Variants in TRAPPC9 observed in about 807,000 individuals in gnomAD.
The protein encoded by TRAPPC9 is IKK2 binding protein.
Under a neutral mutation model 124.0 loss-of-function variants are expected in TRAPPC9, and 83 were observed. The ratio of observed to expected loss-of-function variants is 0.67; its 90% confidence interval spans 0.56 to 0.80. The LOEUF (loss-of-function observed/expected upper bound fraction) is 0.80, where lower values mean the gene tolerates loss of function less well. TRAPPC9 is among the 30% of genes least tolerant of loss of function. The pLI, the probability that TRAPPC9 is intolerant of heterozygous loss-of-function variation, is 0.00. For missense variants in TRAPPC9, 1,302 were observed against 1,508.3 expected (o/e 0.86, Z 2.27); for synonymous variants, 638 against 617.5 (o/e 1.03, Z -0.49).
In TRAPPC9 at chr8:139,776,866, G is replaced by A. The variant is rs900336992; in HGVS notation, c.3056-44664C>T. ...TTGCGCCTGTGACTTACTATAAAATGACAACATGGTTACTTTCGCCTAAAC... is the reference window on the plus strand; with the variant it reads ...TTGCGCCTGTGACTTACTATAAAATAACAACATGGTTACTTTCGCCTAAAC... On this transcript the variant is annotated intron_variant, in intron 21 of 22. Coordinates refer to ENST00000438773, the MANE Select transcript of TRAPPC9 (RefSeq NM_001160372.4). The surrounding 1 kb of genome is among the most constrained non-coding windows in gnomAD (Gnocchi z 4.1). Among the ~76,000 whole-genome samples, 1 of 152,222 alleles carries A rather than the reference G, an allele frequency of 6.6e-6. No individual in the cohort carries two copies. Among genetic ancestry groups the A allele is most frequent in the Non-Finnish European group, 1.5e-5 (1 of 68,050 alleles).
At chr8:140,263,662 G>A (rs1225728921) in intron 15 of TRAPPC9, among the ~76,000 whole-genome samples, 1 of 152,218 alleles carries the variant, frequency 6.6e-6, no homozygotes, top group Non-Finnish European at 1.5e-5. Context: ...GCCATGGAGT[G>A]CCAGCTCCAC....
chr8:140,401,629 A>AT (rs1240512376), intron 6 of TRAPPC9, among the ~76,000 whole-genome samples: 5 of 143,652 alleles, frequency 3.5e-5, no homozygotes, highest in Non-Finnish European at 6.2e-5. Flanking sequence ...ATCATGAAAA[A>AT]TTATTTTTTT....
At chr8:140,033,743 G>A (rs545971181) in intron 17 of TRAPPC9, among the ~76,000 whole-genome samples, 28 of 132,172 alleles carry the variant, frequency 2.1e-4, no homozygotes, top group Middle Eastern at 9.4e-3. Flanking sequence ...GTGCAGGGGC[G>A]TGATCTCAGC....
intron 3 of TRAPPC9, among the ~76,000 whole-genome samples, chr8:140,437,134 C>G (rs528243773): frequency 3.5e-4 from 50 of 143,922 alleles, no homozygotes; most frequent in Admixed American, 2.4e-3. Context: ...CAGCTAATGT[C>G]TTTTTATTTT....
At chr8:139,993,497 G>C (rs1055296958) in intron 18 of TRAPPC9, among the ~76,000 whole-genome samples, 1 of 152,208 alleles carries the variant, frequency 6.6e-6, no homozygotes, top group Admixed American at 6.5e-5. Flanking sequence ...AACTCCTTCA[G>C]ACAGAAAAAG....
intron 17 of TRAPPC9, among the ~76,000 whole-genome samples, chr8:140,143,837 T>C (rs2061416966): frequency 6.6e-6 from 1 of 152,250 alleles, no homozygotes. Context: ...TTCCATCAAT[T>C]CTAAAATTCT....
intron 17 of TRAPPC9, among the ~76,000 whole-genome samples, chr8:140,149,881 A>G (rs2061518552): frequency 6.6e-6 from 1 of 152,178 alleles, no homozygotes; most frequent in South Asian, 2.1e-4. Flanking sequence ...TATCATGCAT[A>G]CATACATGCA....
chr8:139,772,474 C>T (rs1034277092), intron 21 of TRAPPC9, among the ~76,000 whole-genome samples: 5 of 152,220 alleles, frequency 3.3e-5, no homozygotes, highest in South Asian at 2.1e-4. Context: ...TCCCAGCCCA[C>T]GCTCCTGGGA....
chr8:139,803,050 C>G (rs536801171), intron 21 of TRAPPC9, among the ~76,000 whole-genome samples: 3 of 151,712 alleles, frequency 2.0e-5, no homozygotes, highest in African/African-American at 7.3e-5. Context: ...GTGAAGGTGT[C>G]TGTGTGCCGT....
At chr8:140,016,471 T>C (rs952580749) in intron 18 of TRAPPC9, among the ~76,000 whole-genome samples, 11 of 152,106 alleles carry the variant, frequency 7.2e-5, no homozygotes, top group African/African-American at 2.7e-4. Flanking sequence ...TAACCCAGAG[T>C]CAACCACTGG....
intron 21 of TRAPPC9, among the ~76,000 whole-genome samples, chr8:139,871,641 T>A (rs1167843990): frequency 1.3e-5 from 2 of 152,204 alleles, no homozygotes; most frequent in South Asian, 2.1e-4. Flanking sequence ...CAAAAAAAGA[T>A]GTCTCTTAAA....
chr8:139,837,912 A>G (rs1187404719), intron 21 of TRAPPC9, among the ~76,000 whole-genome samples: 1 of 151,648 alleles, frequency 6.6e-6, no homozygotes, highest in Non-Finnish European at 1.5e-5. Flanking sequence ...CGGTGGCTAC[A>G]CTGTCTTCTC....
chr8:140,345,721 T>G (rs771189250), intron 9 of TRAPPC9, among the ~76,000 whole-genome samples: 9 of 152,112 alleles, frequency 5.9e-5, no homozygotes, highest in Admixed American at 1.3e-4. Context: ...TCACTCCATA[T>G]GAGAAGGTTA....
chr8:139,920,143 C>T (rs1051159673), intron 19 of TRAPPC9, among the ~76,000 whole-genome samples: 6 of 152,150 alleles, frequency 3.9e-5, no homozygotes, highest in South Asian at 2.1e-4. Context: ...GTCAGGAGTT[C>T]GAGACCAGCC....
intron 8 of TRAPPC9, among the ~76,000 whole-genome samples, chr8:140,361,460 C>A (rs1249876671): frequency 2.6e-5 from 4 of 152,200 alleles, no homozygotes; most frequent in Non-Finnish European, 5.9e-5. Flanking sequence ...AACTGTAAAA[C>A]GGAGACAGTA....
intron 18 of TRAPPC9, among the ~76,000 whole-genome samples, chr8:140,010,872 C>T (rs1477931317): frequency 6.6e-6 from 1 of 152,090 alleles, no homozygotes; most frequent in African/African-American, 2.4e-5. Context: ...ACATAGAAAA[C>T]AAACCTCACT....
At chr8:140,306,429 G>A (rs947595860) in intron 10 of TRAPPC9, among the ~76,000 whole-genome samples, 14 of 147,210 alleles carry the variant, frequency 9.5e-5, no homozygotes, top group South Asian at 2.1e-4. Context: ...GGAGGCGGAG[G>A]TTGCAGTGAG....
At chr8:140,265,321 A>G (rs919790927) in intron 15 of TRAPPC9, among the ~76,000 whole-genome samples, 3 of 152,250 alleles carry the variant, frequency 2.0e-5, no homozygotes, top group African/African-American at 7.2e-5. Flanking sequence ...TAAGTTCTGT[A>G]GCTTAAGAGT....
At chr8:139,904,988 G>C (rs1831255906) in intron 20 of TRAPPC9, 4 of 152,238 alleles carry the variant, frequency 2.6e-5, no homozygotes, top group Admixed American at 2.0e-4. Context: ...AGTTCACAGA[G>C]AGTTGGCTAT....
Sources: gnomAD v4.1 joint callset for allele counts (sites outside exome capture counted in the v4.1 genomes callset) on GRCh38, gnomAD v4.1.1 for gene constraint, Gnocchi (gnomAD v3.1) non-coding constraint, MANE v1.5 for transcripts, NCBI Gene and HGNC (gene_info 2026-07-23, HGNC 2026-07-21) for gene names.